ASCC3: variants seen among roughly 807,000 people sequenced by gnomAD.
The protein encoded by ASCC3 is activating signal cointegrator 1 complex subunit 3.
Under a neutral mutation model 256.3 loss-of-function variants are expected in ASCC3, and 158 were observed. The ratio of observed to expected loss-of-function variants is 0.62; its 90% CI spans 0.54 to 0.70. The LOEUF (loss-of-function observed/expected upper bound fraction) is 0.70. Among genes scored for constraint, ASCC3 ranks in the 30% least tolerant of loss-of-function variants. The probability of loss-of-function intolerance (pLI) is 0.00; values close to 1 mark genes in which losing one functional copy is unlikely to be tolerated. For synonymous variants in ASCC3, 948 were observed against 883.4 expected (o/e 1.07, Z -1.30); for missense variants, 2,259 against 2,626.0 (o/e 0.86, Z 3.05).
intron 37 of ASCC3, among the ~76,000 whole-genome samples, chr6:100,536,993 A>G (rs1172450984): frequency 1.3e-5 from 2 of 152,208 alleles, no homozygotes; most frequent in African/African-American, 4.8e-5. Context: ...AGGAATGACT[A>G]AAAAAGAAAA....
At chr6:100,661,325 A>G (rs12526169) in intron 16 of ASCC3, among the ~76,000 whole-genome samples, 1 of 56,052 alleles carries the variant, frequency 1.8e-5, no homozygotes, top group Admixed American at 1.5e-4. Flanking sequence ...CACAAAAGTC[A>G]CACACACACA....
At chr6:100,665,948 A>AC (rs990100682) in intron 14 of ASCC3, among the ~76,000 whole-genome samples, 1 of 151,942 alleles carries the variant, frequency 6.6e-6, no homozygotes, top group South Asian at 2.1e-4. Context: ...CCTTAAAAAA[A>AC]CCCCCTCATG....
chr6:100,867,853 G>T, intron 2 of ASCC3, 55 bp downstream of exon 2: 1 of 1,388,576 alleles, frequency 7.2e-7, no homozygotes. Context: ...TCAAATAGTT[G>T]TCCATAGTCT....
In ASCC3 at chr6:100,605,718, A is replaced by G; in HGVS notation, c.5045-18T>C. 1 of 1,612,938 alleles carries G rather than the reference A, an allele frequency of 6.2e-7. No individual in the cohort carries two copies. The highest frequency in any genetic ancestry group is 8.5e-7 in the Non-Finnish European group (1 of 1,179,148). On this transcript the variant is annotated intron_variant, in intron 32 of 41. Coordinates refer to ENST00000369162, the MANE Select transcript of ASCC3 (RefSeq NM_006828.4). ...GAGGACATCTTTAAAAGAGAGAACA[A>G]AGAGATATTCTACAATGTGGCATAT...
chr6:100,829,722 G>A lies in ASCC3; in HGVS notation c.801+18426C>T, dbSNP rs563486840. The stretch of plus-strand genomic sequence containing the variant: ...GAGGAGGTGCCAAGAGCGAGCGAGG[G>A]CTGTGAGGAATGCCAGCATGCTGTC... On this transcript the variant is annotated intron_variant, in intron 4 of 41. Coordinates refer to ENST00000369162, the MANE Select transcript of ASCC3 (RefSeq NM_006828.4). Among the ~76,000 whole-genome samples the A allele has an allele frequency of 1.1e-4, 16 of 152,330 alleles. No homozygotes were observed. In the South Asian group the frequency reaches 3.3e-3, roughly 32 times the overall value.
At chr6:100,580,191 C>A (rs538691256) in intron 36 of ASCC3, among the ~76,000 whole-genome samples, 11 of 151,904 alleles carry the variant, frequency 7.2e-5, no homozygotes, top group African/African-American at 1.7e-4. Flanking sequence ...TCTGGAAATG[C>A]TAATTCTTAT....
At chr6:100,549,179 C>T (rs536662112) in intron 36 of ASCC3, among the ~76,000 whole-genome samples, 2 of 151,786 alleles carry the variant, frequency 1.3e-5, no homozygotes, top group South Asian at 4.2e-4. Context: ...GGTGAGTCCA[C>T]GAGACTGAAA....
intron 22 of ASCC3, among the ~76,000 whole-genome samples, chr6:100,645,116 A>C (rs753084777): frequency 1.3e-5 from 2 of 152,190 alleles, no homozygotes; most frequent in Non-Finnish European, 2.9e-5. Flanking sequence ...TATTAAAATC[A>C]TTAAGTACTC....
At chr6:100,753,370 T>A (rs1019404760) in intron 10 of ASCC3, among the ~76,000 whole-genome samples, 3 of 151,138 alleles carry the variant, frequency 2.0e-5, no homozygotes, top group Non-Finnish European at 4.4e-5. Flanking sequence ...AATATCACCA[T>A]TAAAATTAAA....
At chr6:100,730,595 G>A (rs138388904) in intron 10 of ASCC3, among the ~76,000 whole-genome samples, 91 of 152,174 alleles carry the variant, frequency 6.0e-4, no homozygotes, top group African/African-American at 1.6e-3. Context: ...TCAGTCAACC[G>A]ATAAGCTTAT....
rs767162992 is a variant in ASCC3 at position 100,607,008 on chromosome 6, T to C, written c.4866A>G (p.Gly1622=). 6 of 1,613,596 alleles carry C rather than the reference T, an allele frequency of 3.7e-6. No homozygotes were observed. The African/African-American group carries it at 6.7e-5, about 18-fold the overall frequency. The part of the protein sequence containing the change: ...LAFGIGMHHA[G]LHERDRKTVE... ...CTGTTTTTCGGTCCCTCTCATGTAG[T>C]CCAGCATGATGCATTCCTATCCCGA... Residue 1622 remains glycine (G), a synonymous_variant, in exon 31 of 42, where the codon GGA becomes GGG. Transcript: ENST00000369162.
At chr6:100,647,533 C>A in intron 20 of ASCC3, 82 bp from the exon 21 acceptor site, 2 of 1,285,190 alleles carry the variant, frequency 1.6e-6, no homozygotes, top group Non-Finnish European at 1.1e-6. Flanking sequence ...CAAACTCAGT[C>A]TGAAAAGAAG....
At chr6:100,700,195 A>T (rs1778285966) in intron 13 of ASCC3, among the ~76,000 whole-genome samples, 1 of 152,102 alleles carries the variant, frequency 6.6e-6, no homozygotes, top group Admixed American at 6.5e-5. Flanking sequence ...CAGGGTCCCC[A>T]TGCTGCGTGC....
At chr6:100,573,073 T>G (rs1458055487) in intron 36 of ASCC3, among the ~76,000 whole-genome samples, 1 of 152,118 alleles carries the variant, frequency 6.6e-6, no homozygotes, top group African/African-American at 2.4e-5. Context: ...AACATAATAT[T>G]GTAGGGCTCT....
chr6:100,669,210 T>C (rs114861821), intron 14 of ASCC3, among the ~76,000 whole-genome samples: 2,208 of 149,866 alleles, frequency 0.015, 41 homozygotes, highest in African/African-American at 0.051. Context: ...TTATATTACA[T>C]ATTTTCTAAA....
At position 100,647,163 on chromosome 6, in the gene ASCC3, C is replaced by T. The variant is rs1024230189; in HGVS notation, c.3478+63G>A. The T allele has an allele frequency of 5.8e-6, 8 of 1,379,278 alleles. No individual in the cohort carries two copies. The African/African-American group carries it at 1.1e-4, about 20-fold the overall frequency. 85.4% of individuals were successfully genotyped at this position (1,379,278 alleles called of 1,614,324 possible). On this transcript the variant is annotated intron_variant, in intron 21 of 41. Transcript: ENST00000369162. The stretch of plus-strand genomic sequence containing the variant: ...TGGAAATTCACAATACCTTCTTTTA[C>T]ACCCAGCAACATATTTTATTTGCAC...
At chr6:100,669,265 G>C (rs572767286) in intron 14 of ASCC3, among the ~76,000 whole-genome samples, 89 of 147,754 alleles carry the variant, frequency 6.0e-4, no homozygotes, top group African/African-American at 2.1e-3. Flanking sequence ...TTAATATAAA[G>C]TATTAATCTT....
intron 8 of ASCC3, among the ~76,000 whole-genome samples, chr6:100,774,363 C>T (rs1211109421): frequency 6.9e-6 from 1 of 145,224 alleles, no homozygotes; most frequent in African/African-American, 2.4e-5. Flanking sequence ...GTCACCACAC[C>T]TGACTAACTT....
At chr6:100,690,266 A>G (rs539737424) in intron 13 of ASCC3, among the ~76,000 whole-genome samples, 7 of 152,290 alleles carry the variant, frequency 4.6e-5, no homozygotes, top group African/African-American at 1.7e-4. Context: ...ATGACAAGAA[A>G]AAAAGTCTAC....
Sources: allele counts gnomAD v4.1 joint callset (sites outside exome capture counted in the v4.1 genomes callset), GRCh38; gene constraint gnomAD v4.1.1; transcripts MANE v1.5; gene names NCBI Gene and HGNC (gene_info 2026-07-23, HGNC 2026-07-21).